The following STAU2 variants were observed in gnomAD, a reference collection of about 807,000 sequenced individuals.
STAU2 encodes the protein double-stranded RNA-binding protein Staufen homolog 2.
Under a neutral mutation model 65.9 loss-of-function variants are expected in STAU2, and 20 were observed. That is an observed-to-expected ratio of 0.30 (90% confidence interval 0.21 to 0.44). The LOEUF (loss-of-function observed/expected upper bound fraction) is 0.44, where lower values mean the gene tolerates loss of function less well. STAU2 is among the 20% of genes least tolerant of loss of function. STAU2 has a pLI of 1.00. For missense variants in STAU2, 558 were observed against 683.9 expected, an observed-to-expected ratio of 0.82 and a Z score of 2.05; for synonymous variants, 232 against 233.9, an observed-to-expected ratio of 0.99 and a Z score of 0.07.
At chr8:73,461,476 T>C (rs1247042859) in intron 13 of STAU2, among the ~76,000 whole-genome samples, 1 of 152,152 alleles carries the variant, frequency 6.6e-6, no homozygotes, top group Non-Finnish European at 1.5e-5. Flanking sequence ...GAAGCCATCC[T>C]CTGTGGTTTG....
chr8:73,454,932 G>A (rs78445413), intron 13 of STAU2, among the ~76,000 whole-genome samples: 2,199 of 151,778 alleles, frequency 0.014, 44 homozygotes, highest in African/African-American at 0.046. Flanking sequence ...GCTGTGGAGA[G>A]GTCGAGTGGT....
chr8:73,688,942 A>T, intron 4 of STAU2, 129 bp from the exon 5 acceptor site: 1 of 1,044,094 alleles, frequency 9.6e-7, no homozygotes, highest in Non-Finnish European at 1.4e-6. Context: ...CCTACAGATC[A>T]TCTGCAACAA....
At chr8:73,474,993 A>G (rs908848526) in intron 13 of STAU2, among the ~76,000 whole-genome samples, 11 of 152,328 alleles carry the variant, frequency 7.2e-5, no homozygotes, top group Non-Finnish European at 1.3e-4. Context: ...AGAAACAGAA[A>G]ACAGATTCAA....
chr8:73,583,675 A>T (rs558485939), intron 11 of STAU2, among the ~76,000 whole-genome samples: 19 of 152,182 alleles, frequency 1.2e-4, no homozygotes, highest in Middle Eastern at 6.8e-3. Flanking sequence ...ATAAAAAAAT[A>T]AAAAAATGAC....
At chr8:73,438,805 C>T in intron 13 of STAU2, 1 of 386,982 alleles carries the variant, frequency 2.6e-6, no homozygotes, top group Non-Finnish European at 5.1e-6. Flanking sequence ...GGGACAAGGC[C>T]ACATAGGTAA....
chr8:73,504,156 A>C (rs1416083852), intron 13 of STAU2, among the ~76,000 whole-genome samples: 2 of 152,118 alleles, frequency 1.3e-5, no homozygotes, highest in Non-Finnish European at 2.9e-5. Context: ...GGACCTCCAG[A>C]AACTTTTCAC....
Position 73,482,756 on chromosome 8 carries a change from G to T in STAU2, c.1531-60054C>A, listed in dbSNP as rs556065209. Among the ~76,000 whole-genome samples the T allele has an allele frequency of 9.9e-5, 15 of 152,196 alleles. No individual in the cohort carries two copies. The South Asian group carries it at 2.9e-3, about 29-fold the overall frequency. On this transcript the variant is annotated intron_variant, in intron 13 of 14. Coordinates refer to ENST00000524300, the MANE Select transcript of STAU2 (RefSeq NM_001164380.2). ...TTTTAACATGTAGCAATAACTGGGG[G>T]TTATATTTATAGTTTGTTAATTGAT...
rs1174035145 is a variant in STAU2 at position 73,720,499 on chromosome 8, CTT to C, written c.-17-11339_-17-11338del. Among the ~76,000 whole-genome samples, 187 of 39,076 alleles carry C rather than the reference CTT, an allele frequency of 4.8e-3. 2 individuals are homozygous for C. The highest frequency in any genetic ancestry group is 0.023 in the African/African-American group (171 of 7,504). The allele number at this position is 39,076 out of a possible 152,430, so 25.6% of individuals were successfully genotyped here. ...GTTGTCATTTAGTTTAAAATACTTT[CTT>C]TTTTTTTTTTTTTTTTTTTTTTGAG... is the stretch of plus-strand genomic sequence containing the variant. On this transcript the variant is annotated intron_variant, in intron 3 of 14. Coordinates refer to ENST00000524300, the MANE Select transcript of STAU2 (RefSeq NM_001164380.2).
chr8:73,491,393 C>G (rs1821147238), intron 13 of STAU2, among the ~76,000 whole-genome samples: 1 of 151,964 alleles, frequency 6.6e-6, no homozygotes, highest in Non-Finnish European at 1.5e-5. Context: ...ATGAATCAGA[C>G]TTGTCAATAG....
At position 73,635,926 on chromosome 8, in the gene STAU2, A is replaced by G. The variant is rs961467551; in HGVS notation, c.411-18475T>C. Among the ~76,000 whole-genome samples the G allele has an allele frequency of 3.1e-5, 3 of 98,108 alleles. No individual in the cohort carries two copies. In the Admixed American group the frequency reaches 3.1e-4, roughly 10 times the overall value. 64.4% of individuals were successfully genotyped at this position (98,108 alleles called of 152,430 possible). A position where few individuals can be genotyped will look rare whatever the true frequency, so the allele number is the denominator to read the frequency against. On this transcript the variant is annotated intron_variant, in intron 6 of 14. Coordinates refer to ENST00000524300, the MANE Select transcript of STAU2 (RefSeq NM_001164380.2). The stretch of plus-strand genomic sequence containing the variant: ...CCCTGAACCACACACACACACACAC[A>G]CACACACACACACACACACACACAC...
chr8:73,673,971 G>A (rs187325690), intron 5 of STAU2, among the ~76,000 whole-genome samples: 51 of 151,774 alleles, frequency 3.4e-4, no homozygotes, highest in Non-Finnish European at 4.4e-4. Context: ...AATATACCTC[G>A]GAGGTTATAC....
At chr8:73,604,501 G>C (rs972721914) in intron 9 of STAU2, among the ~76,000 whole-genome samples, 3 of 152,086 alleles carry the variant, frequency 2.0e-5, no homozygotes, top group African/African-American at 7.2e-5. Context: ...AAAGTGCTGG[G>C]ATTACAGGTG....
At chr8:73,691,390 T>C (rs1485802034) in intron 4 of STAU2, among the ~76,000 whole-genome samples, 1 of 152,122 alleles carries the variant, frequency 6.6e-6, no homozygotes, top group Non-Finnish European at 1.5e-5. Context: ...TGGTCTAAGG[T>C]TTCTATAAAC....
chr8:73,737,399 G>A (rs749710550), intron 3 of STAU2, among the ~76,000 whole-genome samples: 1 of 151,952 alleles, frequency 6.6e-6, no homozygotes, highest in Non-Finnish European at 1.5e-5. Context: ...TCGGACTCCC[G>A]ACCTCAGGTG....
At chr8:73,716,279 G>C (rs1483400145) in intron 3 of STAU2, among the ~76,000 whole-genome samples, 1 of 151,956 alleles carries the variant, frequency 6.6e-6, no homozygotes, top group African/African-American at 2.4e-5. Flanking sequence ...TAGTAGAGAC[G>C]GGGTTTCTCC....
At chr8:73,704,859 G>C (rs1820391767) in intron 4 of STAU2, among the ~76,000 whole-genome samples, 2 of 152,114 alleles carry the variant, frequency 1.3e-5, no homozygotes, top group Admixed American at 1.3e-4. Context: ...AGTAGAGACA[G>C]GGTTTCGCCA....
intron 6 of STAU2, among the ~76,000 whole-genome samples, chr8:73,635,337 T>C (rs1814408250): frequency 6.6e-6 from 1 of 152,140 alleles, no homozygotes; most frequent in Non-Finnish European, 1.5e-5. Context: ...CAAGTTAACA[T>C]CTGGAAAAAA....
chr8:73,575,810 C>G (rs1462586790), intron 12 of STAU2, among the ~76,000 whole-genome samples: 1 of 19,970 alleles, frequency 5.0e-5, no homozygotes, highest in East Asian at 3.0e-3. Context: ...AATTCTGGGA[C>G]AATACACACA....
intron 14 of STAU2, among the ~76,000 whole-genome samples, chr8:73,421,999 C>G (rs780776506): frequency 3.0e-4 from 46 of 151,460 alleles, no homozygotes; most frequent in Non-Finnish European, 5.2e-4. Flanking sequence ...CTGGAGAGAC[C>G]CCAAATTCAG....
Sources: allele counts gnomAD v4.1 joint callset (sites outside exome capture counted in the v4.1 genomes callset), GRCh38; gene constraint gnomAD v4.1.1; transcripts MANE v1.5; gene names NCBI Gene and HGNC (gene_info 2026-07-23, HGNC 2026-07-21).